ARMH3: variants seen among roughly 807,000 people sequenced by gnomAD.
ARMH3 encodes the protein armadillo-like helical domain-containing protein 3.
A neutral mutation model predicts 99.1 loss-of-function variants in ARMH3; 60 were observed. The ratio of observed to expected loss-of-function variants is 0.61; its 90% confidence interval spans 0.49 to 0.75. The LOEUF (loss-of-function observed/expected upper bound fraction) is 0.75. Among genes scored for constraint, ARMH3 ranks in the 30% least tolerant of loss-of-function variants. ARMH3 has a pLI of 0.00. For missense variants in ARMH3, 679 were observed against 843.1 expected (o/e 0.81, Z 2.41); for synonymous variants, 285 against 292.8 (o/e 0.97, Z 0.27).
intron 20 of ARMH3, among the ~76,000 whole-genome samples, chr10:101,958,276 T>C (rs1206753658): frequency 6.6e-6 from 1 of 152,218 alleles, no homozygotes; most frequent in Non-Finnish European, 1.5e-5. Flanking sequence ...TTAACTGCTC[T>C]AACTATTCAA....
chr10:101,869,222 A>G (rs1187819728), intron 24 of ARMH3, among the ~76,000 whole-genome samples: 1 of 152,222 alleles, frequency 6.6e-6, no homozygotes, highest in Non-Finnish European at 1.5e-5. Flanking sequence ...GCAGACAGAA[A>G]ATAAGTAAAG....
At chr10:102,014,145 A>C (rs1294691635) in intron 8 of ARMH3, 121 bp from the exon 9 acceptor site, 1 of 703,222 alleles carries the variant, frequency 1.4e-6, no homozygotes, top group Non-Finnish European at 2.4e-6. Flanking sequence ...GATGCTCCTG[A>C]TACACAGTCC....
At chr10:102,007,171 A>C (rs1418375738) in intron 13 of ARMH3, among the ~76,000 whole-genome samples, 3 of 149,358 alleles carry the variant, frequency 2.0e-5, no homozygotes, top group Non-Finnish European at 3.0e-5. Context: ...AAAAAAAAAA[A>C]AAAAAAAGAA....
chr10:101,873,013 TAA>T lies in ARMH3; in HGVS notation c.1860+16397_1860+16398del, dbSNP rs2067168717. 1.3e-5 allele frequency among the ~76,000 whole-genome samples: 2 copies of T among 151,850 alleles called. 1 individual carries two copies. The highest frequency in any genetic ancestry group is 4.1e-4 in the South Asian group (2 of 4,820). ...ATACTACATACCCAATGGCTAAAAT[TAA>T]AGACTCATAATTCCCAGTGTGGCAA... On this transcript the variant is annotated intron_variant, in intron 24 of 25. Transcript: ENST00000370033.
chr10:101,984,080 C>T (rs1846349774), intron 19 of ARMH3, among the ~76,000 whole-genome samples: 1 of 152,088 alleles, frequency 6.6e-6, no homozygotes, highest in South Asian at 2.1e-4. Flanking sequence ...TGATTGCTTG[C>T]TTGGTGTGTA....
intron 15 of ARMH3, among the ~76,000 whole-genome samples, chr10:101,999,083 C>T (rs2066285899): frequency 6.6e-6 from 1 of 152,058 alleles, no homozygotes. Context: ...GAGTGATTAA[C>T]TCTGGAGAGT....
intron 15 of ARMH3, among the ~76,000 whole-genome samples, chr10:101,998,038 G>A (rs573067037): frequency 2.0e-5 from 3 of 152,122 alleles, no homozygotes; most frequent in African/African-American, 4.8e-5. Context: ...GCCATATTTA[G>A]GTTGCCTGTT....
chr10:101,880,456 C>T lies in ARMH3; in HGVS notation c.1860+8956G>A, dbSNP rs541780246. Among the ~76,000 whole-genome samples the T allele has an allele frequency of 5.3e-5, 8 of 152,320 alleles. No homozygotes were observed. In the East Asian group the frequency reaches 9.6e-4, roughly 18 times the overall value. ...CAGAAAACCCCGCCACACAGCTTTA[C>T]AGCCCCCTTCTTACAGTCTTCCTCA... On this transcript the variant is annotated intron_variant, in intron 24 of 25. Transcript: ENST00000370033.
intron 19 of ARMH3, among the ~76,000 whole-genome samples, chr10:101,983,716 G>A (rs1175482491): frequency 6.6e-6 from 1 of 152,160 alleles, no homozygotes; most frequent in African/African-American, 2.4e-5. Flanking sequence ...ACTCCATGGG[G>A]TCAGAAGCTC....
At chr10:101,901,624 A>C (rs891880693) in intron 23 of ARMH3, among the ~76,000 whole-genome samples, 7 of 152,102 alleles carry the variant, frequency 4.6e-5, no homozygotes, top group African/African-American at 1.7e-4. Context: ...GCACTGACTT[A>C]TGTTGCTTTC....
intron 21 of ARMH3, 88 bp downstream of exon 21, chr10:101,957,562 C>A: frequency 7.0e-7 from 1 of 1,428,032 alleles, no homozygotes; most frequent in Non-Finnish European, 9.4e-7. Context: ...ATGGCTTAGT[C>A]CCCAGACCAC....
At chr10:101,933,118 G>A (rs1025743582) in intron 23 of ARMH3, among the ~76,000 whole-genome samples, 4 of 152,074 alleles carry the variant, frequency 2.6e-5, no homozygotes, top group South Asian at 2.1e-4. Flanking sequence ...CCCAGGAGGC[G>A]GAGCTTGCAG....
chr10:101,861,337 C>T (rs1296835255), intron 24 of ARMH3, among the ~76,000 whole-genome samples: 1 of 152,142 alleles, frequency 6.6e-6, no homozygotes, highest in East Asian at 1.9e-4. Flanking sequence ...TAGAATCCTA[C>T]GTCCAGCAAA....
chr10:101,899,926 G>C (rs1373051727), intron 23 of ARMH3, among the ~76,000 whole-genome samples: 1 of 152,056 alleles, frequency 6.6e-6, no homozygotes, highest in Non-Finnish European at 1.5e-5. Context: ...GCATCTAGTT[G>C]CTTACTTTAC....
intron 5 of ARMH3, chr10:102,029,323 C>A: frequency 6.6e-6 from 6 of 910,580 alleles, no homozygotes; most frequent in Non-Finnish European, 8.0e-6. Context: ...TTAAAGTTAC[C>A]CTTGTATGTT....
intron 16 of ARMH3, among the ~76,000 whole-genome samples, chr10:101,994,558 T>C (rs1846967356): frequency 6.6e-6 from 1 of 152,178 alleles, no homozygotes; most frequent in African/African-American, 2.4e-5. Flanking sequence ...AGATACATGG[T>C]GAGTTTGAAC....
intron 1 of ARMH3, among the ~76,000 whole-genome samples, chr10:102,050,086 C>G (rs931010910): frequency 6.6e-6 from 1 of 150,818 alleles, no homozygotes; most frequent in Admixed American, 6.6e-5. Flanking sequence ...GTGGTTGCAA[C>G]GAGCTGAGAT....
chr10:101,992,403 A>G (rs556544724), intron 17 of ARMH3, among the ~76,000 whole-genome samples: 2 of 152,036 alleles, frequency 1.3e-5, no homozygotes, highest in East Asian at 3.9e-4. Context: ...TAATAATAAT[A>G]AAAAAAAGAG....
At chr10:101,948,266 C>T (rs1028706045) in intron 22 of ARMH3, among the ~76,000 whole-genome samples, 1 of 152,006 alleles carries the variant, frequency 6.6e-6, no homozygotes, top group African/African-American at 2.4e-5. Context: ...TGGTATGTGC[C>T]TGTAGTCCCA....
Sources: gnomAD v4.1 joint callset for allele counts (sites outside exome capture counted in the v4.1 genomes callset) on GRCh38, gnomAD v4.1.1 for gene constraint, MANE v1.5 for transcripts, NCBI Gene and HGNC (gene_info 2026-07-23, HGNC 2026-07-21) for gene names.